Variants in CNN1 observed in about 807,000 individuals in gnomAD.
CNN1 encodes calponin 1, also known as calponin-1.
Under a neutral mutation model 35.3 loss-of-function variants are expected in CNN1, and 21 were observed. The ratio of observed to expected loss-of-function variants is 0.60; its 90% CI spans 0.42 to 0.86. The LOEUF (loss-of-function observed/expected upper bound fraction) is 0.86. CNN1 is among the 40% of genes least tolerant of loss of function. The probability of loss-of-function intolerance (pLI) is 0.00; values close to 1 mark genes in which losing one functional copy is unlikely to be tolerated. For missense variants in CNN1, 314 were observed against 400.8 expected (o/e 0.78, Z 1.85); for synonymous variants, 164 against 161.8 (o/e 1.01, Z -0.10).
At chr19:11,544,744 C>A (rs1465778028) in intron 2 of CNN1, among the ~76,000 whole-genome samples, 4 of 148,546 alleles carry the variant, frequency 2.7e-5, no homozygotes, top group African/African-American at 9.9e-5. Context: ...CTCAAGCCAT[C>A]CTCCTGTCTC....
At position 11,550,028 on chromosome 19, in the gene CNN1, A is replaced by C; in HGVS notation, c.*233A>C. On this transcript the variant is annotated 3_prime_UTR_variant, in exon 7 of 7. Coordinates refer to ENST00000252456, the MANE Select transcript of CNN1 (RefSeq NM_001299.6). ...GTCCAACATAGAGCCGGGTGTCCCC[A>C]ACAGCGCCCAAAGGACGCACTGAGC... 1 of 529,844 alleles carries C rather than the reference A, an allele frequency of 1.9e-6. No individual in the cohort carries two copies. 32.8% of individuals were successfully genotyped at this position (529,844 alleles called of 1,614,324 possible).
intron 5 of CNN1, among the ~76,000 whole-genome samples, chr19:11,548,453 G>A (rs1490165508): frequency 6.6e-6 from 1 of 152,244 alleles, no homozygotes; most frequent in Non-Finnish European, 1.5e-5. Flanking sequence ...GGAGGCTGAA[G>A]TGGGAGAATC....
At chr19:11,539,864 C>T (rs1972419129) in intron 1 of CNN1, 2 of 1,162,448 alleles carry the variant, frequency 1.7e-6, no homozygotes, top group Non-Finnish European at 1.1e-6. Flanking sequence ...CAGCGCCGCC[C>T]TCCTCCCCCC....
At position 11,549,235 on chromosome 19, in the gene CNN1, C is replaced by G; in HGVS notation, c.502-88C>G. ...ATAAAAATTGAAAAAAATGATAAAGCGGCGCCTCATCCTCTCCCATCAGCT... is the reference window on the plus strand; with the variant it reads ...ATAAAAATTGAAAAAAATGATAAAGGGGCGCCTCATCCTCTCCCATCAGCT... On this transcript the variant is annotated intron_variant, in intron 5 of 6. Transcript: ENST00000252456. The surrounding 1 kb of genome is among the most constrained non-coding windows in gnomAD (Gnocchi z 5.2). 1 of 1,353,004 alleles carries G rather than the reference C, an allele frequency of 7.4e-7. No homozygotes were observed. The highest frequency in any genetic ancestry group is 1.6e-5 in the South Asian group (1 of 63,910). The allele number at this position is 1,353,004 out of a possible 1,614,324, so 83.8% of individuals were successfully genotyped here.
At chr19:11,539,186 A>C in intron 1 of CNN1, 196 bp downstream of exon 1, 1 of 1,199,520 alleles carries the variant, frequency 8.3e-7, no homozygotes, top group Non-Finnish European at 1.1e-6. Context: ...TGGGGCTGGA[A>C]TGGGGGGGCA....
intron 2 of CNN1, 131 bp from the exon 3 acceptor site, chr19:11,546,544 C>G (rs949815599): frequency 1.1e-6 from 1 of 878,790 alleles, no homozygotes; most frequent in Non-Finnish European, 1.8e-6. Context: ...CCATGTTGGC[C>G]AGGATAGTCT....
chr19:11,539,997 T>TG, intron 1 of CNN1: 3 of 1,060,962 alleles, frequency 2.8e-6, no homozygotes, highest in East Asian at 1.1e-4. Flanking sequence ...GCTGGTGGCG[T>TG]GGGGGGCGGC....
chr19:11,538,899 A>G lies in CNN1; in HGVS notation c.-29A>G. On this transcript the variant is annotated 5_prime_UTR_variant, in exon 1 of 7. Transcript: ENST00000252456. ...CTCTGTTCTCAGCGTCAGTGCCGCC[A>G]CTGCCCCCGCCAGAGCCCACCGGCC... 3 of 1,518,208 alleles carry G rather than the reference A, an allele frequency of 2.0e-6. No homozygotes were observed. Among genetic ancestry groups the G allele is most frequent in the African/African-American group, 1.4e-5 (1 of 71,260 alleles). 94.0% of individuals were successfully genotyped at this position (1,518,208 alleles called of 1,614,324 possible). A position where few individuals can be genotyped will look rare whatever the true frequency, so the allele number is the denominator to read the frequency against.
At chr19:11,539,935 T>A (rs1972421921) in intron 1 of CNN1, 2 of 1,109,984 alleles carry the variant, frequency 1.8e-6, no homozygotes, top group Non-Finnish European at 2.2e-6. Context: ...TAAGGCGGCC[T>A]CGGGGAGCCC....
At chr19:11,548,040 A>C in intron 5 of CNN1, 133 bp downstream of exon 5, 1 of 578,174 alleles carries the variant, frequency 1.7e-6, no homozygotes, top group South Asian at 2.5e-5. Context: ...CTCATCTTCC[A>C]TTCACAAACT....
chr19:11,549,607 G>C lies in CNN1; in HGVS notation c.706G>C (p.Glu236Gln). Residue 236 changes from glutamate (E) to glutamine (Q), a missense_variant, in exon 7 of 7, where the codon GAG (glutamate) becomes CAG (glutamine). Transcript: ENST00000252456. This position sits in a 1 kb window ranked among gnomAD's most constrained non-coding sequence, Gnocchi z 5.2. Reference sequence around the variant, plus strand: ...GATCTTCGAGCCGGGGCTGGGCATGGAGCACTGCGACACGCTCAATGTCAG... The same window carrying C: ...GATCTTCGAGCCGGGGCTGGGCATGCAGCACTGCGACACGCTCAATGTCAG... ...RQIFEPGLGM[E>Q]HCDTLNVSLQ... 3 of 1,609,516 alleles carry C rather than the reference G, an allele frequency of 1.9e-6. No individual in the cohort carries two copies. Among genetic ancestry groups the C allele is most frequent in the Non-Finnish European group, 2.5e-6 (3 of 1,176,686 alleles).
chr19:11,548,435 G>A (rs1428828802), intron 5 of CNN1, among the ~76,000 whole-genome samples: 1 of 152,224 alleles, frequency 6.6e-6, no homozygotes, highest in Non-Finnish European at 1.5e-5. Context: ...TGTGGTCCCA[G>A]CTACTTAGGA....
At chr19:11,544,910 C>G (rs893834296) in intron 2 of CNN1, among the ~76,000 whole-genome samples, 1 of 151,908 alleles carries the variant, frequency 6.6e-6, no homozygotes, top group Admixed American at 6.6e-5. Context: ...TAAAAAAGGC[C>G]ATTCTGGGCC....
chr19:11,540,938 C>G (rs1972447784), intron 1 of CNN1, 138 bp from the exon 2 acceptor site: 4 of 920,972 alleles, frequency 4.3e-6, no homozygotes, highest in Non-Finnish European at 6.1e-6. Context: ...AACTATGGAT[C>G]TGGGGCAAAA....
rs567268976 is a variant in CNN1, at chr19:11,542,492, C to T, written c.185+1295C>T. 4.6e-5 allele frequency among the ~76,000 whole-genome samples: 7 copies of T among 152,078 alleles called. No individual in the cohort carries two copies. In the South Asian group the frequency reaches 8.3e-4, roughly 18 times the overall value. The stretch of plus-strand genomic sequence containing the variant: ...ACAGGCATGAACCACTGCACCCTGC[C>T]GGCCCTGGTTTTCTCCTCGCCTCAA... On this transcript the variant is annotated intron_variant, in intron 2 of 6. Coordinates refer to ENST00000252456, the MANE Select transcript of CNN1 (RefSeq NM_001299.6).
rs534777720 is a variant in CNN1, at chr19:11,539,190, G to A, written c.63+200G>A. 4 of 1,227,214 alleles carry A rather than the reference G, an allele frequency of 3.3e-6. No homozygotes were observed. The African/African-American group carries it at 4.7e-5, about 14-fold the overall frequency. The allele number at this position is 1,227,214 out of a possible 1,614,324, so 76.0% of individuals were successfully genotyped here. On this transcript the variant is annotated intron_variant, in intron 1 of 6. Transcript: ENST00000252456. ...CCAGCTATGGTTGGGGCTGGAATGGGGGGGCACACAGCCACACATAAACAG... is the reference window on the plus strand; with the variant it reads ...CCAGCTATGGTTGGGGCTGGAATGGAGGGGCACACAGCCACACATAAACAG...
chr19:11,543,965 C>T (rs1408259851), intron 2 of CNN1, among the ~76,000 whole-genome samples: 1 of 151,596 alleles, frequency 6.6e-6, no homozygotes, highest in African/African-American at 2.4e-5. Flanking sequence ...GTCATTCACT[C>T]ATTCATTCAT....
At chr19:11,546,645 C>G (rs1432390610) in intron 2 of CNN1, 30 bp from the exon 3 acceptor site, 2 of 1,613,612 alleles carry the variant, frequency 1.2e-6, no homozygotes, top group Middle Eastern at 1.7e-4. Context: ...TGGGGGGACA[C>G]CTTTCTTACC....
At chr19:11,543,304 C>T (rs143221068) in intron 2 of CNN1, among the ~76,000 whole-genome samples, 36 of 150,748 alleles carry the variant, frequency 2.4e-4, no homozygotes, top group Non-Finnish European at 3.8e-4. Flanking sequence ...GAGCTATGAT[C>T]GCGCCACTGC....
Sources: gnomAD v4.1 joint callset for allele counts (sites outside exome capture counted in the v4.1 genomes callset) on GRCh38, gnomAD v4.1.1 for gene constraint, Gnocchi (gnomAD v3.1) non-coding constraint, MANE v1.5 for transcripts, NCBI Gene and HGNC (gene_info 2026-07-23, HGNC 2026-07-21) for gene names.